The following SLC28A1 variants were observed in gnomAD, a reference collection of about 807,000 sequenced individuals.
SLC28A1 encodes sodium/nucleoside cotransporter 1.
In SLC28A1, 64 loss-of-function variants were observed where a neutral mutation model predicts 74.8. The observed-to-expected ratio is 0.86, with a 90% CI of 0.70 to 1.05. The LOEUF (loss-of-function observed/expected upper bound fraction) is 1.05, where lower values mean the gene tolerates loss of function less well. Among genes scored for constraint, SLC28A1 ranks in the 50% least tolerant of loss-of-function variants. The pLI, the probability that SLC28A1 is intolerant of heterozygous loss-of-function variation, is 0.00. For synonymous variants in SLC28A1, 359 were observed against 335.0 expected (o/e 1.07, Z -0.78); for missense variants, 828 against 822.8 (o/e 1.01, Z -0.08).
chr15:84,972,221 A>G, the SLC28A1 span, among the ~76,000 whole-genome samples: 1 of 152,120 alleles, frequency 6.6e-6, no homozygotes, highest in Non-Finnish European at 1.5e-5. Context: ...CCAATTAAAA[A>G]CCAATTGGTT....
chr15:84,966,921 G>T, the SLC28A1 span, among the ~76,000 whole-genome samples: 1 of 151,986 alleles, frequency 6.6e-6, no homozygotes, highest in African/African-American at 2.4e-5. Flanking sequence ...ACAGGAACAT[G>T]CCACCATGCC....
At chr15:84,908,226 C>G (rs1210908734) in intron 8 of SLC28A1, among the ~76,000 whole-genome samples, 2 of 138,384 alleles carry the variant, frequency 1.4e-5, no homozygotes, top group Non-Finnish European at 1.5e-5. Context: ...CTCTGTTGCC[C>G]AGGCTGCAGT....
intron 8 of SLC28A1, among the ~76,000 whole-genome samples, chr15:84,907,211 G>A (rs1033035821): frequency 6.6e-6 from 1 of 152,220 alleles, no homozygotes; most frequent in Non-Finnish European, 1.5e-5. Context: ...TAGCATGAGT[G>A]ATTCCATTGT....
chr15:84,956,321 T>C, the SLC28A1 span, among the ~76,000 whole-genome samples: 8 of 152,324 alleles, frequency 5.3e-5, no homozygotes, highest in East Asian at 1.3e-3. Flanking sequence ...TGTTTCTGTC[T>C]GATTATGGCT....
the SLC28A1 span, among the ~76,000 whole-genome samples, chr15:84,956,848 C>T: frequency 6.6e-6 from 1 of 151,916 alleles, no homozygotes; most frequent in Non-Finnish European, 1.5e-5. Context: ...CATAATTCTT[C>T]TAATTTAAGA....
At position 84,921,069 on chromosome 15, in the gene SLC28A1, G is replaced by A. The variant is rs1277494846; in HGVS notation, c.957G>A (p.Gln319=). 1 of 1,612,868 alleles carries A rather than the reference G, an allele frequency of 6.2e-7. No individual in the cohort carries two copies. Among genetic ancestry groups the A allele is most frequent in the Non-Finnish European group, 8.5e-7 (1 of 1,178,878 alleles). The change falls in exon 11 of 19, where the codon CAG becomes CAA. Residue 319 remains glutamine, a splice_region_variant and synonymous_variant. Transcript: ENST00000394573. ...LSVAGNIFVS[Q]TEAPLLIRPY... ...TGGCTGGAAACATCTTTGTGAGCCA[G>A]GTGGGTATGGAAGCCTCCTACCCTC... is the stretch of plus-strand genomic sequence containing the variant.
intron 6 of SLC28A1, chr15:84,895,766 A>G (rs993750604): frequency 6.6e-6 from 8 of 1,220,422 alleles, no homozygotes; most frequent in Non-Finnish European, 7.2e-6. Flanking sequence ...GGGGAAAAAA[A>G]CAGTTTCTAT....
At chr15:84,920,810 C>T (rs570632242) in intron 10 of SLC28A1, among the ~76,000 whole-genome samples, 179 bp from the exon 11 acceptor site, 9 of 152,072 alleles carry the variant, frequency 5.9e-5, no homozygotes, top group African/African-American at 2.4e-5. Flanking sequence ...AGGGGTAAGC[C>T]CCCATCAATG....
intron 9 of SLC28A1, among the ~76,000 whole-genome samples, chr15:84,913,033 G>A (rs1046040484): frequency 2.0e-5 from 3 of 152,118 alleles, no homozygotes; most frequent in Non-Finnish European, 4.4e-5. Flanking sequence ...GATCCAGGCA[G>A]AAATGGGAAT....
At chr15:84,895,780 T>C in intron 6 of SLC28A1, 1 of 1,189,344 alleles carries the variant, frequency 8.4e-7, no homozygotes, top group Non-Finnish European at 1.1e-6. Flanking sequence ...TTTCTATGGC[T>C]TAAAAAAAAG....
intron 15 of SLC28A1, among the ~76,000 whole-genome samples, chr15:84,938,871 C>T (rs932774276): frequency 4.6e-5 from 7 of 152,152 alleles, no homozygotes; most frequent in African/African-American, 1.7e-4. Flanking sequence ...CTGGGAAAAA[C>T]ATTCCAAAGG....
At chr15:84,943,647 G>C (rs563928939) in intron 16 of SLC28A1, 121 bp downstream of exon 16, 2 of 786,376 alleles carry the variant, frequency 2.5e-6, no homozygotes, top group Non-Finnish European at 4.4e-6. Flanking sequence ...TGGCCATAGA[G>C]GCCAGGTGTG....
chr15:84,909,710 G>A (rs536965867), intron 9 of SLC28A1, among the ~76,000 whole-genome samples: 1 of 152,358 alleles, frequency 6.6e-6, no homozygotes, highest in South Asian at 2.1e-4. Flanking sequence ...CCAGGCAGAA[G>A]AGAGAGACCT....
the SLC28A1 span, among the ~76,000 whole-genome samples, chr15:84,965,773 C>T: frequency 6.6e-6 from 1 of 152,116 alleles, no homozygotes; most frequent in African/African-American, 2.4e-5. Flanking sequence ...TAGTTGGTCA[C>T]ATTCTCCATC....
At chr15:84,952,110 C>G in the SLC28A1 span, among the ~76,000 whole-genome samples, 1 of 152,156 alleles carries the variant, frequency 6.6e-6, no homozygotes, top group African/African-American at 2.4e-5. Context: ...TGAAGAACAG[C>G]AAGGAACTAG....
intron 9 of SLC28A1, among the ~76,000 whole-genome samples, chr15:84,911,858 C>CAAAAA (rs57067372): frequency 1.2e-4 from 14 of 114,680 alleles, no homozygotes; most frequent in Non-Finnish European, 1.5e-4. Flanking sequence ...GACTCCATCT[C>CAAAAA]AAAAAAAAAA....
At chr15:84,926,956 C>T (rs1970592581) in intron 12 of SLC28A1, among the ~76,000 whole-genome samples, 1 of 152,192 alleles carries the variant, frequency 6.6e-6, no homozygotes, top group Admixed American at 6.5e-5. Context: ...CTCCTTCACT[C>T]CGGATGCCTG....
intron 8 of SLC28A1, among the ~76,000 whole-genome samples, chr15:84,906,544 CTTTCTTTCTTTCTTTCTTTCTCTTTCTT>C (rs1567140035): frequency 3.3e-4 from 21 of 63,380 alleles, no homozygotes; most frequent in African/African-American, 1.3e-3. Flanking sequence ...TTCTTTCTTT[CTTTCTTTCTTTCTTTCTTTCTCTTTCTT>C]TCTTCCTTCC....
At chr15:84,886,487 C>G in intron 1 of SLC28A1, 185 bp from the exon 2 acceptor site, 1 of 985,410 alleles carries the variant, frequency 1.0e-6, no homozygotes, top group Non-Finnish European at 1.2e-6. Flanking sequence ...AGGAGGGCAT[C>G]TCTGATGGAG....
Sources: gnomAD v4.1 joint callset for allele counts (sites outside exome capture counted in the v4.1 genomes callset) on GRCh38, gnomAD v4.1.1 for gene constraint, MANE v1.5 for transcripts, NCBI Gene and HGNC (gene_info 2026-07-23, HGNC 2026-07-21) for gene names.